The following ZC3H18 variants were observed in gnomAD, a reference collection of about 807,000 sequenced individuals.
The protein encoded by ZC3H18 is zinc finger CCCH domain-containing protein 18.
ZC3H18 carries 8 observed loss-of-function variants against 106.1 expected under a neutral mutation model. The ratio of observed to expected loss-of-function variants is 0.08; its 90% CI spans 0.04 to 0.14. ZC3H18 has a LOEUF of 0.14. ZC3H18 is among the 10% of genes least tolerant of loss of function. ZC3H18 has a pLI of 1.00. For missense variants in ZC3H18, 1,318 were observed against 1,278.4 expected, an observed-to-expected ratio of 1.03 and a Z score of -0.47; for synonymous variants, 635 against 522.1, an observed-to-expected ratio of 1.22 and a Z score of -2.95.
chr16:88,617,416 C>G (rs1372026483), intron 8 of ZC3H18, among the ~76,000 whole-genome samples: 6 of 152,220 alleles, frequency 3.9e-5, no homozygotes, highest in Admixed American at 3.9e-4. Flanking sequence ...TCAATTCTAT[C>G]AAATGCATCT....
intron 1 of ZC3H18, among the ~76,000 whole-genome samples, chr16:88,576,625 C>T (rs1914768623): frequency 6.6e-6 from 1 of 152,234 alleles, no homozygotes; most frequent in Non-Finnish European, 1.5e-5. Flanking sequence ...CAGACTTGGA[C>T]ACTGCCGAAG....
intron 2 of ZC3H18, among the ~76,000 whole-genome samples, chr16:88,582,837 C>T (rs1365733744): frequency 2.0e-5 from 3 of 152,232 alleles, no homozygotes; most frequent in Non-Finnish European, 4.4e-5. Flanking sequence ...TCATAGCCTC[C>T]TGCCTCCCCT....
chr16:88,575,105 A>G (rs1914664593), intron 1 of ZC3H18, among the ~76,000 whole-genome samples: 1 of 151,894 alleles, frequency 6.6e-6, no homozygotes, highest in Non-Finnish European at 1.5e-5. Flanking sequence ...CTGGGATTAC[A>G]GGCGTGAGCC....
chr16:88,582,219 C>CTTTTTTTTTTTTTTTTTT (rs71391393), intron 2 of ZC3H18, among the ~76,000 whole-genome samples: 19 of 77,194 alleles, frequency 2.5e-4, no homozygotes, highest in African/African-American at 8.4e-4. Flanking sequence ...TTTTTCTTTT[C>CTTTTTTTTTTTTTTTTTT]TTTTTTTTTT....
rs768608726 is a variant in ZC3H18, at chr16:88,631,781, G to A, written c.*482G>A. ...GGATCAGAAATATATCTATATTCTCGACTAAAGTCTCATCAGGAAATATTT... is the reference window on the plus strand; with the variant it reads ...GGATCAGAAATATATCTATATTCTCAACTAAAGTCTCATCAGGAAATATTT... On this transcript the variant is annotated 3_prime_UTR_variant, in exon 18 of 18. Transcript: ENST00000301011. 1.9e-5 allele frequency: 6 copies of A among 317,400 alleles called. No individual in the cohort carries two copies. The highest frequency in any genetic ancestry group is 3.7e-5 in the Non-Finnish European group (6 of 160,906). The allele number at this position is 317,400 out of a possible 1,614,324, so 19.7% of individuals were successfully genotyped here. A position where few individuals can be genotyped will look rare whatever the true frequency, so the allele number is the denominator to read the frequency against.
chr16:88,625,210 T>G lies in ZC3H18; in HGVS notation c.2051T>G (p.Leu684Arg), dbSNP rs1274722242. 6.3e-7 allele frequency: 1 copy of G among 1,590,428 alleles called. No homozygotes were observed. Among genetic ancestry groups the G allele is most frequent in the Non-Finnish European group, 8.6e-7 (1 of 1,168,770 alleles). Residue 684 changes from leucine to arginine, a missense_variant, in exon 13 of 18, where the codon CTA (leucine) becomes CGA (arginine). By Grantham distance (102) the Leu-to-Arg change is moderately radical. This residue lies in a region of ZC3H18 where 848 missense variants were observed against 821.7 expected (regional missense o/e 1.03). Transcript: ENST00000301011. The part of the protein sequence containing the change: ...PARTPPRRRT[L>R]SGSGSGSGSS... ...TGTTGCTTGTATTACAGGCGGACGC[T>G]AAGCGGCAGCGGCAGTGGCAGTGGT...
In ZC3H18 at chr16:88,585,234, T is replaced by C. The variant is rs143622437; in HGVS notation, c.604-1366T>C. 3.4e-3 allele frequency among the ~76,000 whole-genome samples: 520 copies of C among 152,358 alleles called. 3 individuals are homozygous for C. Among genetic ancestry groups the C allele is most frequent in the Non-Finnish European group, 5.4e-3 (367 of 68,032 alleles). On this transcript the variant is annotated intron_variant, in intron 2 of 17. Transcript: ENST00000301011. Reference sequence around the variant, plus strand: ...ATATAACTCTCAGGAATCTGTTCTTTTCCTTATAAAATACTTTTTAATAAC... The same window carrying C: ...ATATAACTCTCAGGAATCTGTTCTTCTCCTTATAAAATACTTTTTAATAAC...
rs1905273575 is a variant in ZC3H18, at chr16:88,611,492, G to A, written c.1431G>A (p.Glu477=). 1 of 1,550,388 alleles carries A rather than the reference G, an allele frequency of 6.4e-7. No homozygotes were observed. The highest frequency in any genetic ancestry group is 1.2e-5 in the South Asian group (1 of 83,994). Residue 477 remains glutamate, a synonymous_variant, in exon 8 of 18, where the codon GAG becomes GAA. Coordinates refer to ENST00000301011, the MANE Select transcript of ZC3H18 (RefSeq NM_144604.4). ...ACCGCGACCGGGAGAAGGAGCGGGA[G>A]AAGGAGAAGGGGAAGCCCAAGCCCC... The part of the protein sequence containing the change: ...HRDRDREKER[E]KEKGKPKPRS...
At chr16:88,598,487 G>C (rs577049274) in intron 4 of ZC3H18, 133 bp from the exon 5 acceptor site, 10 of 1,444,270 alleles carry the variant, frequency 6.9e-6, no homozygotes, top group Middle Eastern at 1.9e-4. Context: ...TTCCGAGGAC[G>C]GAGTGAGGCT....
chr16:88,582,562 G>A (rs1050983838), intron 2 of ZC3H18, among the ~76,000 whole-genome samples: 2 of 152,034 alleles, frequency 1.3e-5, no homozygotes, highest in South Asian at 4.2e-4. Context: ...GTTCTCTTCC[G>A]TGTCACTGAT....
Position 88,625,339 on chromosome 16 carries a change from G to A in ZC3H18, c.2108+72G>A, listed in dbSNP as rs1906237476. On this transcript the variant is annotated intron_variant, in intron 13 of 17. Coordinates refer to ENST00000301011, the MANE Select transcript of ZC3H18 (RefSeq NM_144604.4). ...CCAGGAAGTCCCAGAAGCAGCCAGT[G>A]TGGGTTGGGCTGTCTCCCACAGGTG... 6.5e-6 allele frequency: 10 copies of A among 1,543,092 alleles called. No homozygotes were observed. In the Admixed American group the frequency reaches 1.4e-4, roughly 21 times the overall value.
chr16:88,631,888 G>C lies in ZC3H18; in HGVS notation c.*589G>C, dbSNP rs1426257176. 3.4e-6 allele frequency: 1 copy of C among 293,208 alleles called. No homozygotes were observed. The highest frequency in any genetic ancestry group is 6.7e-6 in the Non-Finnish European group (1 of 150,150). The allele number at this position is 293,208 out of a possible 1,614,324, so 18.2% of individuals were successfully genotyped here. ...CAGAAAAGACCAAAAAAAGGCCAAG[G>C]GTGTTGTTGGGGCGTCTGTCTAATG... On this transcript the variant is annotated 3_prime_UTR_variant, in exon 18 of 18. Transcript: ENST00000301011.
In ZC3H18 at chr16:88,577,278, A is replaced by G; in HGVS notation, c.155A>G (p.Glu52Gly). 1 of 1,613,398 alleles carries G rather than the reference A, an allele frequency of 6.2e-7. No individual in the cohort carries two copies. The highest frequency in any genetic ancestry group is 1.7e-4 in the Middle Eastern group (1 of 6,052). Residue 52 changes from glutamate (E) to glycine (G), a missense_variant, in exon 2 of 18, where the codon GAA becomes GGA. By Grantham distance (98) the Glu-to-Gly change is moderately conservative (BLOSUM62 -2). Around this residue, in one of 6 missense-constraint regions of ZC3H18, gnomAD observed 346 missense variants for 269.0 expected, o/e 1.29. Transcript: ENST00000301011. ...AGGGCTTCTGATCTGGAGGATGAGG[A>G]AAGTGCAGCCAGGGGGCCGAGCCAG... ...GVRASDLEDEESAARGPSQEE... is the reference protein window; with the variant it reads ...GVRASDLEDEGSAARGPSQEE...
chr16:88,605,496 C>G (rs1381134759), intron 6 of ZC3H18, among the ~76,000 whole-genome samples: 1 of 152,254 alleles, frequency 6.6e-6, no homozygotes, highest in Admixed American at 6.5e-5. Context: ...TCCTTTTCAC[C>G]TTGGGTCTCT....
intron 8 of ZC3H18, among the ~76,000 whole-genome samples, chr16:88,613,440 C>T (rs942183174): frequency 6.6e-6 from 1 of 152,160 alleles, no homozygotes; most frequent in African/African-American, 2.4e-5. Flanking sequence ...TGCAGAGCAG[C>T]TGCACCTTTT....
chr16:88,607,495 G>A (rs990218608), intron 6 of ZC3H18, among the ~76,000 whole-genome samples: 1 of 152,210 alleles, frequency 6.6e-6, no homozygotes, highest in African/African-American at 2.4e-5. Context: ...TCCGAGCTGC[G>A]CTCTCCCAGT....
intron 8 of ZC3H18, among the ~76,000 whole-genome samples, chr16:88,612,090 C>A (rs1170760667): frequency 6.6e-6 from 1 of 152,148 alleles, no homozygotes; most frequent in African/African-American, 2.4e-5. Flanking sequence ...ATCCTTGCTG[C>A]CAACTGCTGG....
intron 3 of ZC3H18, among the ~76,000 whole-genome samples, chr16:88,596,007 C>A (rs955521120): frequency 2.6e-5 from 4 of 152,168 alleles, no homozygotes; most frequent in African/African-American, 7.2e-5. Flanking sequence ...GCTAGACGTG[C>A]AGACCAACTG....
At chr16:88,583,711 G>A (rs1179038722) in intron 2 of ZC3H18, among the ~76,000 whole-genome samples, 1 of 152,198 alleles carries the variant, frequency 6.6e-6, no homozygotes, top group African/African-American at 2.4e-5. Context: ...CTTCAGATGG[G>A]TGCACTGAGG....
Sources: allele counts gnomAD v4.1 joint callset (sites outside exome capture counted in the v4.1 genomes callset), GRCh38; gene constraint gnomAD v4.1.1; regional missense constraint gnomAD v4.1.1; transcripts MANE v1.5; gene names NCBI Gene and HGNC (gene_info 2026-07-23, HGNC 2026-07-21).